RGS5: variants seen among roughly 807,000 people sequenced by gnomAD.
RGS5 encodes regulator of G protein signaling 5.
In RGS5, 20 loss-of-function variants were observed where a neutral mutation model predicts 18.9. The observed-to-expected ratio is 1.06, with a 90% confidence interval of 0.74 to 1.54. RGS5 has a LOEUF of 1.54. Ranked by LOEUF, RGS5 falls within the 40% of genes most tolerant of loss-of-function variation. The pLI is 0.00. For missense variants in RGS5, 201 were observed against 211.8 expected (o/e 0.95, Z 0.32); for synonymous variants, 57 against 76.2 (o/e 0.75, Z 1.31).
chr1:163,164,846 T>A (rs911113438), intron 2 of RGS5, among the ~76,000 whole-genome samples: 2 of 152,190 alleles, frequency 1.3e-5, no homozygotes, highest in African/African-American at 2.4e-5. Context: ...TTTGGTTTGA[T>A]TTGGTTTTTA....
At chr1:163,154,670 T>C (rs1257074646) in intron 3 of RGS5, among the ~76,000 whole-genome samples, 1 of 151,928 alleles carries the variant, frequency 6.6e-6, no homozygotes, top group East Asian at 1.9e-4. Flanking sequence ...ATCAGGTGTA[T>C]TTTCTCTCTC....
At chr1:163,189,718 A>G (rs1321147227) in intron 1 of RGS5, among the ~76,000 whole-genome samples, 2 of 152,196 alleles carry the variant, frequency 1.3e-5, no homozygotes, top group East Asian at 3.9e-4. Context: ...TGAGATAAAG[A>G]TTAATAAAGG....
intron 1 of RGS5, among the ~76,000 whole-genome samples, chr1:163,195,346 T>C (rs1659521230): frequency 6.6e-6 from 1 of 152,054 alleles, no homozygotes; most frequent in South Asian, 2.1e-4. Flanking sequence ...ATATTGCATG[T>C]TCTCACTTAT....
chr1:163,212,272 T>C (rs1003658575), intron 1 of RGS5: 9 of 152,178 alleles, frequency 5.9e-5, no homozygotes, highest in African/African-American at 1.7e-4. Context: ...TTCTTGAGGA[T>C]AAATAGGGAA....
chr1:163,321,215 G>A (rs950927359), intron 1 of RGS5: 7 of 152,246 alleles, frequency 4.6e-5, no homozygotes, highest in African/African-American at 1.7e-4. Flanking sequence ...TGATCGAAGA[G>A]GGAGAAGCTA....
At chr1:163,165,891 G>C (rs1186705354) in intron 2 of RGS5, among the ~76,000 whole-genome samples, 2 of 138,568 alleles carry the variant, frequency 1.4e-5, no homozygotes, top group African/African-American at 5.5e-5. Flanking sequence ...GGGCAAAAGA[G>C]CGAAATTCCG....
At chr1:163,229,267 C>T (rs769139358) in intron 2 of RGS5, among the ~76,000 whole-genome samples, 25 of 152,154 alleles carry the variant, frequency 1.6e-4, no homozygotes, top group Non-Finnish European at 3.7e-4. Context: ...CATCTCTTCA[C>T]AGGGCAGCAG....
chr1:163,266,748 T>G (rs1348024730), intron 2 of RGS5: 2 of 152,148 alleles, frequency 1.3e-5, no homozygotes, highest in South Asian at 2.1e-4. Flanking sequence ...TCTTTGATAC[T>G]TCACTGCATT....
At chr1:163,308,926 AC>A (rs1649779989) in intron 1 of RGS5, among the ~76,000 whole-genome samples, 1 of 152,248 alleles carries the variant, frequency 6.6e-6, no homozygotes, top group Admixed American at 6.5e-5. Context: ...GTCTAAAAAT[AC>A]ACAAATCCTA....
chr1:163,273,036 T>A (rs1245832115), intron 2 of RGS5, among the ~76,000 whole-genome samples: 1 of 152,084 alleles, frequency 6.6e-6, no homozygotes, highest in Non-Finnish European at 1.5e-5. Flanking sequence ...ATACTTGACA[T>A]TTTCCCAGAT....
chr1:163,284,085 G>A (rs1285490493), intron 2 of RGS5, among the ~76,000 whole-genome samples: 2 of 152,172 alleles, frequency 1.3e-5, no homozygotes, highest in African/African-American at 2.4e-5. Flanking sequence ...TCCGCAATGG[G>A]CTTAAAAAAT....
In RGS5 at chr1:163,245,987, G is replaced by A. The variant is rs867966226; in HGVS notation, c.-281+60246C>T. Among the ~76,000 whole-genome samples, 256 of 152,208 alleles carry A rather than the reference G, an allele frequency of 1.7e-3. 1 individual carries two copies. The highest frequency in any genetic ancestry group is 5.6e-3 in the African/African-American group (233 of 41,530). ...TCCCAGCATTTTGGGAGGCCAAGGC[G>A]GGCGGATCACGAGGTCAGGAGATCG... On this transcript the variant is annotated intron_variant, in intron 2 of 5. Transcript: ENST00000618415.
intron 2 of RGS5, among the ~76,000 whole-genome samples, chr1:163,246,972 A>G (rs529256537): frequency 2.6e-5 from 4 of 152,290 alleles, no homozygotes; most frequent in African/African-American, 9.6e-5. Context: ...TAAGTCAATT[A>G]ATGCAGGAAC....
At chr1:163,299,335 G>GC (rs1649498521) in intron 2 of RGS5, among the ~76,000 whole-genome samples, 1 of 152,122 alleles carries the variant, frequency 6.6e-6, no homozygotes, top group Admixed American at 6.5e-5. Flanking sequence ...TCTTGTACTT[G>GC]CTTGTCTTTT....
intron 2 of RGS5, among the ~76,000 whole-genome samples, chr1:163,270,824 A>G (rs1157385616): frequency 6.6e-6 from 1 of 152,198 alleles, no homozygotes; most frequent in Non-Finnish European, 1.5e-5. Flanking sequence ...AGTAGAATTA[A>G]TCAAGTCAGA....
chr1:163,308,076 A>T (rs1649753776), intron 1 of RGS5, among the ~76,000 whole-genome samples: 1 of 152,230 alleles, frequency 6.6e-6, no homozygotes, highest in South Asian at 2.1e-4. Context: ...ATCCTGATTC[A>T]GTTGGTCTGT....
At chr1:163,279,977 A>C (rs769301001) in intron 2 of RGS5, among the ~76,000 whole-genome samples, 72 of 152,262 alleles carry the variant, frequency 4.7e-4, no homozygotes, top group Admixed American at 2.4e-3. Context: ...AATTCTGAAC[A>C]GAACAATAAT....
At chr1:163,217,112 TA>T (rs555643455) in intron 1 of RGS5, among the ~76,000 whole-genome samples, 4 of 151,656 alleles carry the variant, frequency 2.6e-5, no homozygotes, top group South Asian at 4.1e-4. Context: ...AGAGAGAGAA[TA>T]AAAAAAATAA....
intron 2 of RGS5, among the ~76,000 whole-genome samples, chr1:163,227,822 T>C (rs184204093): frequency 2.6e-5 from 4 of 152,202 alleles, no homozygotes; most frequent in East Asian, 1.9e-4. Flanking sequence ...ATGGGAGAAA[T>C]AGGCCAAAAC....
Sources: gnomAD v4.1 joint callset for allele counts (sites outside exome capture counted in the v4.1 genomes callset) on GRCh38, gnomAD v4.1.1 for gene constraint, MANE v1.5 for transcripts, NCBI Gene and HGNC (gene_info 2026-07-23, HGNC 2026-07-21) for gene names.